Variants in COX16 observed in about 807,000 individuals in gnomAD.
COX16 encodes the protein cytochrome c oxidase assembly factor COX16.
In COX16, 12 loss-of-function variants were observed where a neutral mutation model predicts 15.4. That is an observed-to-expected ratio of 0.78 (90% confidence interval 0.50 to 1.26). The LOEUF (loss-of-function observed/expected upper bound fraction) is 1.26, where lower values mean the gene tolerates loss of function less well. Among genes scored for constraint, COX16 ranks in the 50% most tolerant of loss-of-function variants. The pLI is 0.00. For synonymous variants in COX16, 46 were observed against 41.1 expected (o/e 1.12, Z -0.46); for missense variants, 124 against 127.6 (o/e 0.97, Z 0.14).
rs116800119 is a variant in COX16, at chr14:70,346,155, C to T, written c.70-3426G>A. Among the ~76,000 whole-genome samples the T allele has an allele frequency of 8.1e-3, 1,240 of 152,278 alleles. 11 individuals are homozygous for T. The highest frequency in any genetic ancestry group is 0.028 in the African/African-American group (1,175 of 41,552). ...AGAACGAACCATTATCTTAAACCTTCGGTTCATCTCCCAATCCACCCCCGA... is the reference window on the plus strand; with the variant it reads ...AGAACGAACCATTATCTTAAACCTTTGGTTCATCTCCCAATCCACCCCCGA... On this transcript the variant is annotated intron_variant, in intron 1 of 3. Coordinates refer to ENST00000389912, the MANE Select transcript of COX16 (RefSeq NM_016468.7).
intron 2 of COX16, among the ~76,000 whole-genome samples, chr14:70,331,770 C>CT (rs1342971705): frequency 1.6e-4 from 2 of 12,854 alleles, no homozygotes; most frequent in Non-Finnish European, 3.7e-4. Flanking sequence ...CTAGCAATTC[C>CT]TTTTTGTACA....
chr14:70,326,211 C>T lies in COX16; in HGVS notation c.*122G>A. 2.9e-6 allele frequency: 2 copies of T among 681,044 alleles called. No homozygotes were observed. Among genetic ancestry groups the T allele is most frequent in the South Asian group, 4.5e-5 (1 of 22,280 alleles). 42.2% of individuals were successfully genotyped at this position (681,044 alleles called of 1,614,324 possible). ...GTGAAGATTATTTGTCATCAAATTA[C>T]CCATATCCAAGTTTCCATGGGCCTG... On this transcript the variant is annotated 3_prime_UTR_variant, in exon 4 of 4. Transcript: ENST00000389912.
rs1161970693 is a variant in COX16 at position 70,344,123 on chromosome 14, G to A, written c.70-1394C>T. On this transcript the variant is annotated intron_variant, in intron 1 of 3. Transcript: ENST00000389912. ...TGGGTAATGTCAGCTGATCCATCCA[G>A]TGCAGGGTCTGCAAAATATCTCAAG... Among the ~76,000 whole-genome samples the A allele has an allele frequency of 4.6e-5, 7 of 152,220 alleles. No individual in the cohort carries two copies. The East Asian group carries it at 1.2e-3, about 25-fold the overall frequency.
chr14:70,352,749 G>GGTTC, intron 1 of COX16, among the ~76,000 whole-genome samples: 1 of 144,822 alleles, frequency 6.9e-6, no homozygotes, highest in South Asian at 2.2e-4. Flanking sequence ...GGGTTCAAGA[G>GGTTC]ATCCTCCTGC....
chr14:70,351,244 A>C (rs1240826538), intron 1 of COX16, among the ~76,000 whole-genome samples: 1 of 152,224 alleles, frequency 6.6e-6, no homozygotes, highest in East Asian at 1.9e-4. Flanking sequence ...ATAAGCACAG[A>C]CATTTTAAAC....
chr14:70,329,228 A>AG lies in COX16; in HGVS notation c.149dup (p.Glu51Ter), dbSNP rs1886198929. ...TCTCTTTCAGTTTTTTTTCAAGCTC[A>AG]GGATCCATCTGTAGAAAAGGAAAAA... is the stretch of plus-strand genomic sequence containing the variant. On this transcript the variant is annotated frameshift_variant, in exon 3 of 4. Transcript: ENST00000389912. LOFTEE classifies it high-confidence loss of function. The AG allele has an allele frequency of 6.2e-7, 1 of 1,605,202 alleles. No homozygotes were observed.
At position 70,359,570 on chromosome 14, in the gene COX16, C is replaced by T; in HGVS notation, c.18G>A (p.Val6=). Residue 6 remains valine, a synonymous_variant, in exon 1 of 4, where the codon GTG becomes GTA. Transcript: ENST00000389912. MFAPA[V]MRAFRKNKTL... ...TCTTGTTCTTGCGAAAAGCACGCAT[C>T]ACCGCGGGTGCAAACATGAGTGAAC... The T allele has an allele frequency of 6.2e-7, 1 of 1,614,068 alleles. No homozygotes were observed. Among genetic ancestry groups the T allele is most frequent in the Non-Finnish European group, 8.5e-7 (1 of 1,179,968 alleles).
At chr14:70,355,723 C>T (rs1275827600) in intron 1 of COX16, among the ~76,000 whole-genome samples, 6 of 152,184 alleles carry the variant, frequency 3.9e-5, no homozygotes, top group East Asian at 3.9e-4. Flanking sequence ...ATGACAAGAA[C>T]CAGGAAAATA....
chr14:70,326,285 T>C lies in COX16; in HGVS notation c.*48A>G. 7.3e-7 allele frequency: 1 copy of C among 1,369,390 alleles called. No individual in the cohort carries two copies. The highest frequency in any genetic ancestry group is 2.7e-5 in the East Asian group (1 of 37,188). The allele number at this position is 1,369,390 out of a possible 1,614,324, so 84.8% of individuals were successfully genotyped here. A position where few individuals can be genotyped will look rare whatever the true frequency, so the allele number is the denominator to read the frequency against. On this transcript the variant is annotated 3_prime_UTR_variant, in exon 4 of 4. Transcript: ENST00000389912. ...AGTATATATTAGGAAGTCCAGTTAA[T>C]AATATTTTTATTTAAAAAAAAAAAA...
chr14:70,335,906 A>G (rs1367198081), intron 2 of COX16, among the ~76,000 whole-genome samples: 1 of 152,214 alleles, frequency 6.6e-6, no homozygotes, highest in African/African-American at 2.4e-5. Flanking sequence ...AAGAAAATTA[A>G]TCAAAGGTTT....
At chr14:70,338,929 A>G (rs1249018638) in intron 2 of COX16, among the ~76,000 whole-genome samples, 1 of 152,154 alleles carries the variant, frequency 6.6e-6, no homozygotes, top group Non-Finnish European at 1.5e-5. Context: ...TAACTCCTTA[A>G]TCCAGTTGTA....
intron 1 of COX16, among the ~76,000 whole-genome samples, chr14:70,349,365 C>T (rs1222656956): frequency 6.6e-6 from 1 of 152,222 alleles, no homozygotes; most frequent in Non-Finnish European, 1.5e-5. Context: ...TCTGTACCTT[C>T]TCCAGGTAAG....
intron 1 of COX16, 48 bp downstream of exon 1, chr14:70,359,471 A>C (rs1004071133): frequency 6.6e-7 from 1 of 1,521,716 alleles, no homozygotes. Context: ...GATCCTGCCA[A>C]GGAGGAGGGT....
intron 1 of COX16, 32 bp downstream of exon 1, chr14:70,359,487 C>G (rs370540684): frequency 6.3e-6 from 10 of 1,585,610 alleles, no homozygotes; most frequent in Admixed American, 3.3e-5. Context: ...AGGGTCCCAC[C>G]CCTTGCGGAA....
chr14:70,328,592 G>T (rs1327432103), intron 3 of COX16, among the ~76,000 whole-genome samples: 3 of 143,910 alleles, frequency 2.1e-5, no homozygotes, highest in African/African-American at 8.0e-5. Flanking sequence ...ATGATAAATT[G>T]AGCATCTCTT....
At position 70,346,035 on chromosome 14, in the gene COX16, C is replaced by A. The variant is rs547495147; in HGVS notation, c.70-3306G>T. 9.9e-5 allele frequency among the ~76,000 whole-genome samples: 15 copies of A among 152,220 alleles called. No homozygotes were observed. In the East Asian group the frequency reaches 2.5e-3, roughly 25 times the overall value. ...TGCCTGTACCCATTCTCCTCCCCCA[C>A]TGCCCTCTCCTAAAGCTTGTAAACT... On this transcript the variant is annotated intron_variant, in intron 1 of 3. Transcript: ENST00000389912.
chr14:70,359,190 C>G, intron 1 of COX16: 1 of 483,172 alleles, frequency 2.1e-6, no homozygotes, highest in South Asian at 1.5e-5. Context: ...GTGGTTCTGA[C>G]TGAATTCTCT....
intron 1 of COX16, among the ~76,000 whole-genome samples, chr14:70,353,153 C>T (rs7152898): frequency 1.3e-5 from 2 of 149,940 alleles, no homozygotes; most frequent in African/African-American, 2.5e-5. Context: ...CCCAGCTGTT[C>T]GGGAGGCTGA....
intron 1 of COX16, among the ~76,000 whole-genome samples, chr14:70,358,460 C>T (rs1887200683): frequency 6.7e-6 from 1 of 149,368 alleles, no homozygotes; most frequent in Admixed American, 6.7e-5. Context: ...CTTGGCTTCC[C>T]CTAACACTGG....
Sources: allele counts gnomAD v4.1 joint callset (sites outside exome capture counted in the v4.1 genomes callset), GRCh38; gene constraint gnomAD v4.1.1; transcripts MANE v1.5; gene names NCBI Gene and HGNC (gene_info 2026-07-23, HGNC 2026-07-21).